The following RERE variants were observed in gnomAD, a reference collection of about 807,000 sequenced individuals.
RERE encodes the protein arginine-glutamic acid dipeptide repeats protein.
A neutral mutation model predicts 146.1 loss-of-function variants in RERE; 40 were observed. The observed-to-expected ratio is 0.27, with a 90% CI of 0.21 to 0.36. RERE has a LOEUF of 0.36. Ranked by LOEUF, RERE falls within the 10% of genes least tolerant of loss-of-function variation. RERE has a pLI of 1.00. For synonymous variants in RERE, 1,003 were observed against 866.0 expected (o/e 1.16, Z -2.78); for missense variants, 1,933 against 2,138.7 (o/e 0.90, Z 1.90).
At chr1:8,412,722 G>A (rs374267524) in intron 12 of RERE, among the ~76,000 whole-genome samples, 6 of 152,178 alleles carry the variant, frequency 3.9e-5, no homozygotes, top group Non-Finnish European at 5.9e-5. Context: ...GATTTACTGC[G>A]CACAATAAAC....
chr1:8,642,506 T>C (rs773221044), intron 2 of RERE, among the ~76,000 whole-genome samples: 37 of 152,354 alleles, frequency 2.4e-4, no homozygotes, highest in Admixed American at 9.1e-4. Context: ...AAGAGTTAAG[T>C]ACTTGAGGTT....
At chr1:8,694,982 G>GC (rs1214437281) in intron 1 of RERE, among the ~76,000 whole-genome samples, 2 of 131,470 alleles carry the variant, frequency 1.5e-5, no homozygotes, top group Admixed American at 7.6e-5. Flanking sequence ...AAGGGGGGGG[G>GC]GGGAATGCTG....
chr1:8,726,147 CTTTTTT>C (rs70985511), intron 1 of RERE, among the ~76,000 whole-genome samples: 13 of 69,404 alleles, frequency 1.9e-4, no homozygotes, highest in African/African-American at 6.5e-4. Context: ...TTTTTCTTTT[CTTTTTT>C]TTTTTTTTTT....
intron 2 of RERE, among the ~76,000 whole-genome samples, chr1:8,655,361 C>T (rs992138880): frequency 1.2e-4 from 19 of 152,108 alleles, no homozygotes; most frequent in African/African-American, 3.6e-4. Flanking sequence ...TGCACACCAC[C>T]GAGCCCAGCT....
At chr1:8,724,177 G>A (rs918191965) in intron 1 of RERE, among the ~76,000 whole-genome samples, 1 of 151,746 alleles carries the variant, frequency 6.6e-6, no homozygotes, top group African/African-American at 2.4e-5. Flanking sequence ...TTTATTTTTG[G>A]TAGTAACAAA....
chr1:8,540,691 A>G (rs1037494460), intron 7 of RERE, among the ~76,000 whole-genome samples: 1 of 152,238 alleles, frequency 6.6e-6, no homozygotes, highest in African/African-American at 2.4e-5. Context: ...ACTGTTACAT[A>G]GATCTTACCA....
At chr1:8,397,836 T>C (rs1643107336) in intron 12 of RERE, among the ~76,000 whole-genome samples, 1 of 152,252 alleles carries the variant, frequency 6.6e-6, no homozygotes, top group South Asian at 2.1e-4. Flanking sequence ...TATTCTCTGA[T>C]ACACACTGTT....
At chr1:8,448,543 A>G (rs1022808662) in intron 11 of RERE, among the ~76,000 whole-genome samples, 11 of 152,246 alleles carry the variant, frequency 7.2e-5, no homozygotes, top group South Asian at 2.1e-4. Context: ...TGGATCACGA[A>G]GTCAGGAGTT....
intron 1 of RERE, among the ~76,000 whole-genome samples, chr1:8,762,713 C>A (rs184308246): frequency 1.3e-5 from 2 of 152,236 alleles, no homozygotes; most frequent in East Asian, 3.9e-4. Context: ...TTCAAGATGA[C>A]CTTAATGACC....
intron 4 of RERE, among the ~76,000 whole-genome samples, chr1:8,567,031 C>T (rs912597788): frequency 1.3e-5 from 2 of 152,064 alleles, no homozygotes; most frequent in Admixed American, 6.5e-5. Context: ...CCTCGTGATC[C>T]GCCTGACTCG....
chr1:8,656,147 C>T lies in RERE; in HGVS notation c.151G>A (p.Ala51Thr). ...CTLEGGAKNYAESDHSEDEDN... is the reference protein window; with the variant it reads ...CTLEGGAKNYTESDHSEDEDN... ...TCGTCTTCACTGTGATCACTCTCAG[C>T]ATAATTTTTGGCTCCTCCTTCCAAG... Residue 51 changes from alanine to threonine, a missense_variant, in exon 2 of 23, where the codon GCT becomes ACT. This residue lies in a region of RERE where 107 missense variants were observed against 119.7 expected (regional missense o/e 0.89). Transcript: ENST00000400908. 6.2e-7 allele frequency: 1 copy of T among 1,614,096 alleles called. No homozygotes were observed. Among genetic ancestry groups the T allele is most frequent in the Non-Finnish European group, 8.5e-7 (1 of 1,179,952 alleles).
At chr1:8,815,596 A>G (rs906694505) in intron 1 of RERE, among the ~76,000 whole-genome samples, 1 of 152,172 alleles carries the variant, frequency 6.6e-6, no homozygotes, top group Non-Finnish European at 1.5e-5. Context: ...GTCTCTGAAC[A>G]TGTTTTTGAG....
At chr1:8,756,521 T>C (rs1640641908) in intron 1 of RERE, among the ~76,000 whole-genome samples, 2 of 152,178 alleles carry the variant, frequency 1.3e-5, no homozygotes, top group African/African-American at 4.8e-5. Flanking sequence ...ATGAGAACCA[T>C]ATTTCTGTTT....
intron 11 of RERE, among the ~76,000 whole-genome samples, chr1:8,439,697 A>C (rs1223867078): frequency 6.6e-6 from 1 of 152,188 alleles, no homozygotes. Flanking sequence ...CTTGACTGTA[A>C]ATGGGATTAC....
At position 8,364,871 on chromosome 1, in the gene RERE, G is replaced by C. The variant is rs1557590607; in HGVS notation, c.1448-33C>G. ...TGGCAGGCACATAGTGGGGGTGGGG[G>C]AGACACCATCATGCTCAGCCAAGGC... On this transcript the variant is annotated intron_variant, in intron 13 of 22. Transcript: ENST00000400908. This position sits in a 1 kb window ranked among gnomAD's most constrained non-coding sequence, Gnocchi z 5.1. 4.5e-6 allele frequency: 5 copies of C among 1,101,712 alleles called. No homozygotes were observed. The South Asian group carries it at 6.1e-5, about 13-fold the overall frequency. 68.2% of individuals were successfully genotyped at this position (1,101,712 alleles called of 1,614,324 possible).
At chr1:8,775,972 C>G (rs937415564) in intron 1 of RERE, among the ~76,000 whole-genome samples, 1 of 152,158 alleles carries the variant, frequency 6.6e-6, no homozygotes, top group Admixed American at 6.5e-5. Context: ...TGCATCTGTG[C>G]TCTTAGCAAT....
intron 1 of RERE, among the ~76,000 whole-genome samples, chr1:8,768,195 T>C (rs956678050): frequency 1.3e-5 from 2 of 152,104 alleles, no homozygotes; most frequent in Non-Finnish European, 2.9e-5. Flanking sequence ...AAAGAACGTG[T>C]TTCTGGAGTC....
At position 8,530,489 on chromosome 1, in the gene RERE, A is replaced by G. The variant is rs1055884483; in HGVS notation, c.830+10725T>C. ...TTGTATTCATTAACAAGAAACTTTA[A>G]AGCCAAAATGGGGAGGCGGGGCGGG... On this transcript the variant is annotated intron_variant, in intron 7 of 22. Coordinates refer to ENST00000400908, the MANE Select transcript of RERE (RefSeq NM_001042681.2). Among the ~76,000 whole-genome samples, 4 of 152,136 alleles carry G rather than the reference A, an allele frequency of 2.6e-5. No homozygotes were observed. The East Asian group carries it at 7.7e-4, about 29-fold the overall frequency.
intron 12 of RERE, among the ~76,000 whole-genome samples, chr1:8,396,664 T>C (rs1643067109): frequency 6.6e-6 from 1 of 152,226 alleles, no homozygotes; most frequent in Non-Finnish European, 1.5e-5. Flanking sequence ...AAAATTGTTA[T>C]TGAGGTAAAA....
Sources: gnomAD v4.1 joint callset for allele counts (sites outside exome capture counted in the v4.1 genomes callset) on GRCh38, gnomAD v4.1.1 for gene constraint, gnomAD v4.1.1 regional missense constraint, Gnocchi (gnomAD v3.1) non-coding constraint, MANE v1.5 for transcripts, NCBI Gene and HGNC (gene_info 2026-07-23, HGNC 2026-07-21) for gene names.